SUCLG2: variants seen among roughly 807,000 people sequenced by gnomAD.
SUCLG2 encodes succinate-CoA ligase GDP-forming subunit beta.
A neutral mutation model predicts 47.9 loss-of-function variants in SUCLG2; 42 were observed. That is an observed-to-expected ratio of 0.88 (90% CI 0.69 to 1.14). The LOEUF (loss-of-function observed/expected upper bound fraction) is 1.14. Among genes scored for constraint, SUCLG2 ranks in the 50% most tolerant of loss-of-function variants. The pLI, the probability that SUCLG2 is intolerant of heterozygous loss-of-function variation, is 0.00. For synonymous variants in SUCLG2, 195 were observed against 197.3 expected (o/e 0.99, Z 0.10); for missense variants, 571 against 525.9 (o/e 1.09, Z -0.84).
In SUCLG2 at chr3:67,486,869, T is replaced by C. The variant is rs1173934600; in HGVS notation, c.1062+8929A>G. ...TTGATCTCATTTGGGAACATGTGCA[T>C]TGGGTGACTAAAATTTTTCACCACT... On this transcript the variant is annotated intron_variant, in intron 9 of 10. Coordinates refer to ENST00000307227, the MANE Select transcript of SUCLG2 (RefSeq NM_003848.4). Among the ~76,000 whole-genome samples, 4 of 152,314 alleles carry C rather than the reference T, an allele frequency of 2.6e-5. No individual in the cohort carries two copies. The East Asian group carries it at 5.8e-4, about 22-fold the overall frequency.
intron 1 of SUCLG2, among the ~76,000 whole-genome samples, chr3:67,623,399 G>A (rs544459013): frequency 2.8e-4 from 42 of 152,138 alleles, no homozygotes; most frequent in Non-Finnish European, 5.4e-4. Flanking sequence ...TACTCAGGAG[G>A]CTGAGGCAGG....
At chr3:67,475,577 C>A (rs1704727655) in intron 9 of SUCLG2, among the ~76,000 whole-genome samples, 2 of 152,152 alleles carry the variant, frequency 1.3e-5, no homozygotes, top group Admixed American at 1.3e-4. Context: ...GTCTTGTGGT[C>A]CAAACCTTTA....
At chr3:67,520,786 T>A in intron 4 of SUCLG2, 152 bp from the exon 5 acceptor site, 3 of 817,426 alleles carry the variant, frequency 3.7e-6, no homozygotes, top group Non-Finnish European at 5.7e-6. Flanking sequence ...AGTTCTGCTC[T>A]CATGGTGCAC....
chr3:67,555,232 A>G (rs1239889726), intron 2 of SUCLG2, among the ~76,000 whole-genome samples: 2 of 152,222 alleles, frequency 1.3e-5, no homozygotes, highest in African/African-American at 4.8e-5. Flanking sequence ...AATTGGAAGT[A>G]TCAATATAAA....
chr3:67,405,139 G>A (rs1575674453), intron 9 of SUCLG2, among the ~76,000 whole-genome samples: 1 of 152,114 alleles, frequency 6.6e-6, no homozygotes, highest in East Asian at 1.9e-4. Context: ...CATCTAATGA[G>A]GCAGTTGAAG....
chr3:67,618,350 C>T (rs550827789), intron 1 of SUCLG2, among the ~76,000 whole-genome samples: 2 of 152,144 alleles, frequency 1.3e-5, no homozygotes, highest in East Asian at 1.9e-4. Context: ...ACCCCAGAGG[C>T]GGAGGTTGCA....
intron 1 of SUCLG2, among the ~76,000 whole-genome samples, chr3:67,612,626 C>A (rs1257399039): frequency 6.6e-6 from 1 of 152,194 alleles, no homozygotes; most frequent in African/African-American, 2.4e-5. Flanking sequence ...TTATCTCTCT[C>A]TGTAGCTGTC....
intron 9 of SUCLG2, among the ~76,000 whole-genome samples, chr3:67,482,782 GC>G (rs1298632015): frequency 1.3e-5 from 2 of 152,308 alleles, no homozygotes; most frequent in Admixed American, 1.3e-4. Context: ...AGAGAAATGT[GC>G]TACTTGGGAT....
At position 67,641,178 on chromosome 3, in the gene SUCLG2, T is replaced by C. The variant is rs147820841; in HGVS notation, c.84+13325A>G. ...AACCTGTGCCCCTTTCCTTGGGATA[T>C]TCTTCTCAATTGCAACTCGTCTGTC... On this transcript the variant is annotated intron_variant, in intron 1 of 10. Coordinates refer to ENST00000307227, the MANE Select transcript of SUCLG2 (RefSeq NM_003848.4). Among the ~76,000 whole-genome samples, 588 of 152,350 alleles carry C rather than the reference T, an allele frequency of 3.9e-3. 5 individuals carry two copies. Among genetic ancestry groups the C allele is most frequent in the Non-Finnish European group, 5.7e-3 (389 of 68,034 alleles).
At chr3:67,561,545 G>T (rs902665973) in intron 2 of SUCLG2, among the ~76,000 whole-genome samples, 1 of 152,078 alleles carries the variant, frequency 6.6e-6, no homozygotes. Context: ...AACAAAAAAT[G>T]AGCTGGAAGA....
At chr3:67,415,343 T>C (rs775308493) in intron 9 of SUCLG2, among the ~76,000 whole-genome samples, 1 of 152,328 alleles carries the variant, frequency 6.6e-6, no homozygotes, top group Non-Finnish European at 1.5e-5. Context: ...AATTTACACA[T>C]GACAGCAATC....
chr3:67,574,620 A>C (rs1034138705), intron 2 of SUCLG2, among the ~76,000 whole-genome samples: 1 of 152,236 alleles, frequency 6.6e-6, no homozygotes, highest in Non-Finnish European at 1.5e-5. Flanking sequence ...AAGAACATAC[A>C]GTAGAAAAAT....
chr3:67,647,068 G>A (rs1246093954), intron 1 of SUCLG2, among the ~76,000 whole-genome samples: 1 of 151,996 alleles, frequency 6.6e-6, no homozygotes, highest in African/African-American at 2.4e-5. Flanking sequence ...AACCTCCTTA[G>A]GGCTCTCAAG....
intron 9 of SUCLG2, among the ~76,000 whole-genome samples, chr3:67,406,055 A>G (rs1702798585): frequency 6.6e-6 from 1 of 152,292 alleles, no homozygotes; most frequent in East Asian, 1.9e-4. Flanking sequence ...TCATTACCAC[A>G]ACCAACTCTG....
chr3:67,607,269 T>G (rs1270428527), intron 2 of SUCLG2, among the ~76,000 whole-genome samples: 2 of 152,192 alleles, frequency 1.3e-5, no homozygotes, highest in Admixed American at 6.5e-5. Flanking sequence ...AAATGAGATG[T>G]GCTGGAAGTG....
At chr3:67,502,358 G>A (rs570459882) in intron 7 of SUCLG2, among the ~76,000 whole-genome samples, 1 of 152,318 alleles carries the variant, frequency 6.6e-6, no homozygotes, top group South Asian at 2.1e-4. Context: ...CCATCTAAAT[G>A]ATTTTCCTTG....
intron 6 of SUCLG2, among the ~76,000 whole-genome samples, chr3:67,509,172 A>G (rs1284953455): frequency 6.6e-6 from 1 of 152,204 alleles, no homozygotes; most frequent in Admixed American, 6.5e-5. Context: ...TCTTTTTGTA[A>G]ATTATCATGT....
At chr3:67,649,837 A>T (rs1436187333) in intron 1 of SUCLG2, among the ~76,000 whole-genome samples, 1 of 152,198 alleles carries the variant, frequency 6.6e-6, no homozygotes, top group Non-Finnish European at 1.5e-5. Context: ...AGGACAAATG[A>T]TCTGAGGTTA....
intron 2 of SUCLG2, among the ~76,000 whole-genome samples, chr3:67,545,867 C>T (rs1237811745): frequency 6.6e-6 from 1 of 152,160 alleles, no homozygotes; most frequent in Non-Finnish European, 1.5e-5. Context: ...GAGAGATCCA[C>T]ATTTACTTCA....
Sources: allele counts gnomAD v4.1 joint callset (sites outside exome capture counted in the v4.1 genomes callset), GRCh38; gene constraint gnomAD v4.1.1; transcripts MANE v1.5; gene names NCBI Gene and HGNC (gene_info 2026-07-23, HGNC 2026-07-21).